OR2A14: variants seen among roughly 807,000 people sequenced by gnomAD.
The protein encoded by OR2A14 is olfactory receptor family 2 subfamily A member 14.
Under a neutral mutation model 2.4 loss-of-function variants are expected in OR2A14, and 2 were observed. That is an observed-to-expected ratio of 0.85 (90% CI 0.35 to 2.67). The LOEUF (loss-of-function observed/expected upper bound fraction) is 2.67. Ranked by LOEUF, OR2A14 falls within the 30% of genes most tolerant of loss-of-function variation. OR2A14 has a pLI of 0.10. For synonymous variants in OR2A14, 160 were observed against 156.3 expected (o/e 1.02, Z -0.18); for missense variants, 390 against 379.4 (o/e 1.03, Z -0.23).
intron 1 of OR2A14, among the ~76,000 whole-genome samples, chr7:144,125,657 G>T (rs1289181789): frequency 6.6e-6 from 1 of 152,154 alleles, no homozygotes; most frequent in Non-Finnish European, 1.5e-5. Context: ...TTGATAACCA[G>T]AGTTTTATAC....
chr7:144,125,201 G>A (rs910104245), intron 1 of OR2A14, among the ~76,000 whole-genome samples: 1 of 152,152 alleles, frequency 6.6e-6, no homozygotes, highest in African/African-American at 2.4e-5. Context: ...ATCAAGACTG[G>A]AATAGTGTTC....
chr7:144,124,314 T>C (rs1437286748), intron 1 of OR2A14, among the ~76,000 whole-genome samples: 1 of 151,882 alleles, frequency 6.6e-6, no homozygotes, highest in African/African-American at 2.4e-5. Context: ...AATACAAAAT[T>C]AGCCAGGCAT....
Position 144,129,320 on chromosome 7 carries a change from A to T in OR2A14, c.208A>T (p.Ile70Leu), listed in dbSNP as rs2051509267. ...FFLSHLAIVDISYASNYVPKM... is the reference protein window; with the variant it reads ...FFLSHLAIVDLSYASNYVPKM... ...CCTCTCACACCTGGCCATTGTTGAC[A>T]TATCCTATGCTTCCAACTATGTCCC... is the stretch of plus-strand genomic sequence containing the variant. The change falls in exon 2 of 2, where the codon ATA becomes TTA. Residue 70 changes from isoleucine (I) to leucine (L), a missense_variant. Transcript: ENST00000641068. 2 of 1,614,200 alleles carry T rather than the reference A, an allele frequency of 1.2e-6. No individual in the cohort carries two copies. The highest frequency in any genetic ancestry group is 2.7e-5 in the African/African-American group (2 of 75,046).
intron 1 of OR2A14, among the ~76,000 whole-genome samples, chr7:144,125,602 A>G (rs2051477116): frequency 6.6e-6 from 1 of 152,238 alleles, no homozygotes; most frequent in Non-Finnish European, 1.5e-5. Context: ...ACCATTATAG[A>G]CTTTTCTCCT....
intron 1 of OR2A14, among the ~76,000 whole-genome samples, chr7:144,127,257 A>G (rs542952481): frequency 1.3e-5 from 2 of 152,358 alleles, no homozygotes; most frequent in East Asian, 3.9e-4. Flanking sequence ...TAAGTTACAG[A>G]ACATTGTTTG....
rs2051523503 is a variant in OR2A14, at chr7:144,130,424, A to G, written c.*379A>G. The G allele has an allele frequency of 6.2e-6, 1 of 162,146 alleles. No homozygotes were observed. The highest frequency in any genetic ancestry group is 1.7e-4 in the South Asian group (1 of 5,752). 10.0% of individuals were successfully genotyped at this position (162,146 alleles called of 1,614,324 possible). On this transcript the variant is annotated 3_prime_UTR_variant, in exon 2 of 2. Transcript: ENST00000641068. ...AATGGAACTATTGTTCATACAGTAC[A>G]TAGAAAGAACTCCTTTAAATCAGCA...
chr7:144,129,195 G>T lies in OR2A14; in HGVS notation c.83G>T (p.Gly28Val), dbSNP rs533945390. 9 of 1,613,082 alleles carry T rather than the reference G, an allele frequency of 5.6e-6. No individual in the cohort carries two copies. In the South Asian group the frequency reaches 9.9e-5, roughly 18 times the overall value. The change falls in exon 2 of 2, where the codon GGA (glycine) becomes GTA (valine). Residue 28 changes from glycine to valine, a missense_variant. Coordinates refer to ENST00000641068, the MANE Select transcript of OR2A14 (RefSeq NM_001001659.3). ...VGPALEILLC[G>V]LFSAFYTLTL... ...CCAGCACTGGAGATTCTCCTCTGTG[G>T]ACTTTTCTCTGCCTTCTATACACTC...
At chr7:144,124,606 C>A (rs1423631517) in intron 1 of OR2A14, among the ~76,000 whole-genome samples, 1 of 152,146 alleles carries the variant, frequency 6.6e-6, no homozygotes, top group Admixed American at 6.5e-5. Flanking sequence ...GCTGGAGGCC[C>A]CAGGGCTCCC....
Position 144,130,036 on chromosome 7 carries a change from G to C in OR2A14, c.924G>C (p.Arg308Ser). Residue 308 changes from arginine (R) to serine (S), a missense_variant, in exon 2 of 2, where the codon AGG (arginine) becomes AGC (serine). By Grantham distance (110) the Arg-to-Ser change is moderately radical. Transcript: ENST00000641068. ...GALRRALRKE[R>S]LT is the part of the protein sequence containing the mutation. The stretch of plus-strand genomic sequence containing the variant: ...TGAGGAGGGCACTGAGGAAGGAGAG[G>C]CTGACGTGAGACATCTCAAAGGGAA... The C allele has an allele frequency of 6.2e-7, 1 of 1,610,726 alleles. No individual in the cohort carries two copies. The highest frequency in any genetic ancestry group is 8.5e-7 in the Non-Finnish European group (1 of 1,177,708).
rs1468361565 is a variant in OR2A14, at chr7:144,130,961, T to G, written c.*916T>G. 6.6e-6 allele frequency: 1 copy of G among 152,176 alleles called. No homozygotes were observed. Among genetic ancestry groups the G allele is most frequent in the Non-Finnish European group, 1.5e-5 (1 of 68,052 alleles). 9.4% of individuals were successfully genotyped at this position (152,176 alleles called of 1,614,324 possible). On this transcript the variant is annotated 3_prime_UTR_variant, in exon 2 of 2. Transcript: ENST00000641068. The stretch of plus-strand genomic sequence containing the variant: ...CTGGAATGGTGCCCAGGGACAGTAG[T>G]TTGTGAACCCTTGTTCTAGATCTTA...
chr7:144,124,032 T>G (rs1295571617), intron 1 of OR2A14, among the ~76,000 whole-genome samples: 1 of 127,600 alleles, frequency 7.8e-6, no homozygotes, highest in Non-Finnish European at 1.6e-5. Context: ...TGAGACAGAA[T>G]TTATTACCCC....
chr7:144,127,149 T>G (rs2051487520), intron 1 of OR2A14, among the ~76,000 whole-genome samples: 1 of 152,244 alleles, frequency 6.6e-6, no homozygotes, highest in African/African-American at 2.4e-5. Context: ...AGAATGTGTT[T>G]ACATCATCCA....
rs1481069147 is a variant in OR2A14, at chr7:144,129,872, G to A, written c.760G>A (p.Ala254Thr). 2.5e-6 allele frequency: 4 copies of A among 1,614,190 alleles called. No individual in the cohort carries two copies. The highest frequency in any genetic ancestry group is 2.7e-5 in the African/African-American group (2 of 75,058). The change falls in exon 2 of 2, where the codon GCC (alanine) becomes ACC (threonine). Residue 254 changes from alanine to threonine, a missense_variant. Transcript: ENST00000641068. ...LCVVGLFFGS[A>T]IVTYMAPKSR... is the part of the protein sequence containing the mutation. ...CGTGGTGGGACTCTTCTTTGGCAGC[G>A]CCATTGTCACGTACATGGCCCCCAA...
At chr7:144,126,848 C>T (rs1246323308) in intron 1 of OR2A14, among the ~76,000 whole-genome samples, 3 of 152,000 alleles carry the variant, frequency 2.0e-5, no homozygotes, top group Non-Finnish European at 4.4e-5. Flanking sequence ...AAATCACAAC[C>T]ATTAGCTGAC....
chr7:144,123,961 T>G (rs777973089), intron 1 of OR2A14, among the ~76,000 whole-genome samples: 1 of 152,176 alleles, frequency 6.6e-6, no homozygotes, highest in Admixed American at 6.5e-5. Context: ...TCCCTAATTA[T>G]ATATCTAAAA....
intron 1 of OR2A14, among the ~76,000 whole-genome samples, chr7:144,124,929 A>G (rs962123198): frequency 3.3e-5 from 5 of 152,258 alleles, no homozygotes; most frequent in Admixed American, 3.3e-4. Context: ...CAAAAAGAAA[A>G]GCAAGATAAA....
At position 144,130,764 on chromosome 7, in the gene OR2A14, T is replaced by C. The variant is rs2051526335; in HGVS notation, c.*719T>C. ...AGGAGCATAGTACACATCCTCAAGA[T>C]CAATAATTAGTGACACTTCCTGTGA... On this transcript the variant is annotated 3_prime_UTR_variant, in exon 2 of 2. Transcript: ENST00000641068. 1 of 152,144 alleles carries C rather than the reference T, an allele frequency of 6.6e-6. No individual in the cohort carries two copies. Among genetic ancestry groups the C allele is most frequent in the African/African-American group, 2.4e-5 (1 of 41,428 alleles). The allele number at this position is 152,144 out of a possible 1,614,324, so 9.4% of individuals were successfully genotyped here. A position where few individuals can be genotyped will look rare whatever the true frequency, so the allele number is the denominator to read the frequency against.
In OR2A14 at chr7:144,130,817, T is replaced by C. The variant is rs2051526657; in HGVS notation, c.*772T>C. 6.6e-6 allele frequency: 1 copy of C among 152,216 alleles called. No individual in the cohort carries two copies. 9.4% of individuals were successfully genotyped at this position (152,216 alleles called of 1,614,324 possible). Reference sequence around the variant, plus strand: ...ATACACAGGTTAATGCTTAAGGCTTTGAGGGCCATCTTCTGCGTCAAAACA... The same window carrying C: ...ATACACAGGTTAATGCTTAAGGCTTCGAGGGCCATCTTCTGCGTCAAAACA... On this transcript the variant is annotated 3_prime_UTR_variant, in exon 2 of 2. Coordinates refer to ENST00000641068, the MANE Select transcript of OR2A14 (RefSeq NM_001001659.3).
Position 144,129,470 on chromosome 7 carries a change from G to A in OR2A14, c.358G>A (p.Asp120Asn). 1 of 1,613,952 alleles carries A rather than the reference G, an allele frequency of 6.2e-7. No homozygotes were observed. The highest frequency in any genetic ancestry group is 8.5e-7 in the Non-Finnish European group (1 of 1,179,852). Residue 120 changes from aspartate to asparagine, a missense_variant, in exon 2 of 2, where the codon GAT (aspartate) becomes AAT (asparagine). Asp to Asn is a conservative substitution (Grantham distance 23). Coordinates refer to ENST00000641068, the MANE Select transcript of OR2A14 (RefSeq NM_001001659.3). The stretch of plus-strand genomic sequence containing the variant: ...TCTGATTTTGGTGGTGATGTCCTAT[G>A]ATCGCTATGCGGACATCTGCCACCC... ...ECLILVVMSY[D>N]RYADICHPLR...
Sources: gnomAD v4.1 joint callset for allele counts (sites outside exome capture counted in the v4.1 genomes callset) on GRCh38, gnomAD v4.1.1 for gene constraint, MANE v1.5 for transcripts, NCBI Gene and HGNC (gene_info 2026-07-23, HGNC 2026-07-21) for gene names.